ARHGAP11A: variants seen among roughly 807,000 people sequenced by gnomAD.
ARHGAP11A encodes rho GTPase-activating protein 11A.
In ARHGAP11A, 36 loss-of-function variants were observed where a neutral mutation model predicts 60.5. The observed-to-expected ratio is 0.59, with a 90% CI of 0.46 to 0.79. ARHGAP11A has a LOEUF of 0.79. Among genes scored for constraint, ARHGAP11A ranks in the 30% least tolerant of loss-of-function variants. The pLI, the probability that ARHGAP11A is intolerant of heterozygous loss-of-function variation, is 0.00. For synonymous variants in ARHGAP11A, 362 were observed against 415.5 expected (o/e 0.87, Z 1.57); for missense variants, 1,071 against 1,199.2 (o/e 0.89, Z 1.58).
intron 1 of ARHGAP11A, among the ~76,000 whole-genome samples, chr15:32,618,905 T>G (rs1008066988): frequency 2.9e-4 from 44 of 152,150 alleles, no homozygotes; most frequent in Admixed American, 1.2e-3. Context: ...GAGCCGAGAT[T>G]GCGCCACTGC....
Position 32,639,353 on chromosome 15 carries a change from AATC to A in ARHGAP11A, c.*1513_*1515del, listed in dbSNP as rs2053796300. 1 of 152,212 alleles carries A rather than the reference AATC, an allele frequency of 6.6e-6. No individual in the cohort carries two copies. Among genetic ancestry groups the A allele is most frequent in the South Asian group, 2.1e-4 (1 of 4,828 alleles). 9.4% of individuals were successfully genotyped at this position (152,212 alleles called of 1,614,324 possible). A position where few individuals can be genotyped will look rare whatever the true frequency, so the allele number is the denominator to read the frequency against. ...GCATAAGTATGTACGAGGAATTTCA[AATC>A]ATCAGATGTTTGCTTGGCTAGGTTC... is the stretch of plus-strand genomic sequence containing the variant. On this transcript the variant is annotated 3_prime_UTR_variant, in exon 12 of 12. Coordinates refer to ENST00000361627, the MANE Select transcript of ARHGAP11A (RefSeq NM_014783.6).
In ARHGAP11A at chr15:32,636,408, G is replaced by T; in HGVS notation, c.1635G>T (p.Glu545Asp). 6.2e-7 allele frequency: 1 copy of T among 1,614,014 alleles called. No homozygotes were observed. The highest frequency in any genetic ancestry group is 1.3e-5 in the African/African-American group (1 of 75,042). The change falls in exon 12 of 12, where the codon GAG becomes GAT. Residue 545 changes from glutamate (E) to aspartate (D), a missense_variant. Around this residue, in one of 4 missense-constraint regions of ARHGAP11A, gnomAD observed 776 missense variants for 760.2 expected, o/e 1.02. Transcript: ENST00000361627. ...CTTCTTCAATGGTGGAAAATCTTGA[G>T]GTAGAAAACTCTTTGGAGCCTGATA... is the stretch of plus-strand genomic sequence containing the variant. ...NEASSMVENL[E>D]VENSLEPDIM...
chr15:32,639,123 A>C lies in ARHGAP11A; in HGVS notation c.*1278A>C, dbSNP rs2053790654. On this transcript the variant is annotated 3_prime_UTR_variant, in exon 12 of 12. Coordinates refer to ENST00000361627, the MANE Select transcript of ARHGAP11A (RefSeq NM_014783.6). ...TTGTCAAGTAAATCTGTCTAAATTT[A>C]TATTTTAAATTATTACAAATTACAC... is the stretch of plus-strand genomic sequence containing the variant. 1 of 152,810 alleles carries C rather than the reference A, an allele frequency of 6.5e-6. No individual in the cohort carries two copies. The highest frequency in any genetic ancestry group is 2.1e-4 in the South Asian group (1 of 4,830). 9.5% of individuals were successfully genotyped at this position (152,810 alleles called of 1,614,324 possible). A position where few individuals can be genotyped will look rare whatever the true frequency, so the allele number is the denominator to read the frequency against.
At position 32,633,167 on chromosome 15, in the gene ARHGAP11A, A is replaced by G. The variant is rs1291360868; in HGVS notation, c.1235+59A>G. 13 of 1,568,544 alleles carry G rather than the reference A, an allele frequency of 8.3e-6. No homozygotes were observed. The African/African-American group carries it at 1.8e-4, about 21-fold the overall frequency. On this transcript the variant is annotated intron_variant, in intron 9 of 11. Transcript: ENST00000361627. ...TAAATATTTGGTGTACACATAATTA[A>G]TAAAATGTTTTGTCTTTCTGTCAAG...
Position 32,616,040 on chromosome 15 carries a change from T to C in ARHGAP11A, c.-172T>C. The C allele has an allele frequency of 1.1e-6, 1 of 870,060 alleles. No individual in the cohort carries two copies. Among genetic ancestry groups the C allele is most frequent in the East Asian group, 2.7e-5 (1 of 37,332 alleles). 53.9% of individuals were successfully genotyped at this position (870,060 alleles called of 1,614,324 possible). A position where few individuals can be genotyped will look rare whatever the true frequency, so the allele number is the denominator to read the frequency against. Reference sequence around the variant, plus strand: ...CTGTGTAAGTGGATGTGAGTGAGGATCAAGGAAAAGCCGTGGAAGTGGCCG... The same window carrying C: ...CTGTGTAAGTGGATGTGAGTGAGGACCAAGGAAAAGCCGTGGAAGTGGCCG... On this transcript the variant is annotated 5_prime_UTR_variant, in exon 1 of 12. Coordinates refer to ENST00000361627, the MANE Select transcript of ARHGAP11A (RefSeq NM_014783.6).
chr15:32,628,800 T>A lies in ARHGAP11A; in HGVS notation c.935T>A (p.Ile312Asn), dbSNP rs2053525533. The stretch of plus-strand genomic sequence containing the variant: ...TCTATTACACCTCAAGAAGAAAGAA[T>A]TGGTAGGTATTTATTATATGCATTT... ...TPSITPQEERIAQLSESPVIL... is the reference protein window; with the variant it reads ...TPSITPQEERNAQLSESPVIL... The change falls in exon 7 of 12, where the codon ATT becomes AAT. Residue 312 changes from isoleucine to asparagine, a missense_variant and splice_region_variant. This residue lies in a region of ARHGAP11A where 196 missense variants were observed against 272.1 expected (regional missense o/e 0.72). Coordinates refer to ENST00000361627, the MANE Select transcript of ARHGAP11A (RefSeq NM_014783.6). 2 of 1,547,378 alleles carry A rather than the reference T, an allele frequency of 1.3e-6. No homozygotes were observed. Among genetic ancestry groups the A allele is most frequent in the African/African-American group, 2.8e-5 (2 of 71,496 alleles).
At chr15:32,626,532 A>G (rs1235999583) in intron 6 of ARHGAP11A, among the ~76,000 whole-genome samples, 4 of 152,134 alleles carry the variant, frequency 2.6e-5, no homozygotes, top group African/African-American at 9.7e-5. Context: ...TTTATTTGTT[A>G]TTGCATACTT....
At position 32,637,796 on chromosome 15, in the gene ARHGAP11A, C is replaced by G. The variant is rs1372690606; in HGVS notation, c.3023C>G (p.Pro1008Arg). ...TGGTACAAAGGTTCTCCAAAACATC[C>G]TATCGGAAAAACTCAATTACTACCA... ...RAWYKGSPKH[P>R]IGKTQLLPTS... The change falls in exon 12 of 12, where the codon CCT becomes CGT. Residue 1008 changes from proline (P) to arginine (R), a missense_variant. By Grantham distance (103) the Pro-to-Arg change is moderately radical. Coordinates refer to ENST00000361627, the MANE Select transcript of ARHGAP11A (RefSeq NM_014783.6). 1 of 1,606,880 alleles carries G rather than the reference C, an allele frequency of 6.2e-7. No homozygotes were observed. Among genetic ancestry groups the G allele is most frequent in the African/African-American group, 1.3e-5 (1 of 74,336 alleles).
Position 32,633,626 on chromosome 15 carries a change from G to C in ARHGAP11A, c.1236-307G>C, listed in dbSNP as rs2140472155. ...CCATTATACTCCAGCCTGGGCCGCA[G>C]AGTGAGACCCTGTCTCAAAAAATAA... On this transcript the variant is annotated intron_variant, in intron 9 of 11. Coordinates refer to ENST00000361627, the MANE Select transcript of ARHGAP11A (RefSeq NM_014783.6). Among the ~76,000 whole-genome samples, 2 of 152,228 alleles carry C rather than the reference G, an allele frequency of 1.3e-5. 1 individual carries two copies. The highest frequency in any genetic ancestry group is 4.1e-4 in the South Asian group (2 of 4,828).
chr15:32,635,964 G>A, intron 11 of ARHGAP11A, 49 bp downstream of exon 11: 1 of 1,529,090 alleles, frequency 6.5e-7, no homozygotes, highest in East Asian at 2.4e-5. Context: ...TCCTGCTTTA[G>A]TTGCTTTTTT....
rs1452472755 is a variant in ARHGAP11A, at chr15:32,636,481, A to G, written c.1708A>G (p.Asn570Asp). Reference protein sequence around the residue: ...PATSCELTPSNLNNKHNSNIT... With the variant: ...PATSCELTPSDLNNKHNSNIT... ...TACTTCATGTGAACTCACCCCTTCC[A>G]ATTTAAACAATAAGCATAATAGCAA... The change falls in exon 12 of 12, where the codon AAT (asparagine) becomes GAT (aspartate). Residue 570 changes from asparagine (N) to aspartate (D), a missense_variant. By Grantham distance (23) the Asn-to-Asp change is conservative (BLOSUM62 1). This residue lies in a region of ARHGAP11A where 776 missense variants were observed against 760.2 expected (regional missense o/e 1.02). Transcript: ENST00000361627. 6.2e-7 allele frequency: 1 copy of G among 1,613,888 alleles called. No homozygotes were observed. The highest frequency in any genetic ancestry group is 8.5e-7 in the Non-Finnish European group (1 of 1,179,930).
At chr15:32,629,826 G>T in intron 8 of ARHGAP11A, 64 bp downstream of exon 8, 1 of 1,117,050 alleles carries the variant, frequency 9.0e-7, no homozygotes, top group South Asian at 1.7e-5. Context: ...TCTGGGCACA[G>T]TGCAATTTCA....
At chr15:32,635,226 T>G (rs537853769) in intron 10 of ARHGAP11A, among the ~76,000 whole-genome samples, 1 of 152,316 alleles carries the variant, frequency 6.6e-6, no homozygotes, top group African/African-American at 2.4e-5. Flanking sequence ...TCTTCCCCCT[T>G]AAATCTTCAT....
Position 32,636,806 on chromosome 15 carries a change from A to C in ARHGAP11A, c.2033A>C (p.Gln678Pro). Reference protein sequence around the residue: ...CFSERDFSPLQTQTFNRETTI... With the variant: ...CFSERDFSPLPTQTFNRETTI... ...TCAGAGAGGGACTTTTCACCCCTTC[A>C]AACTCAAACATTTAATAGAGAAACA... The change falls in exon 12 of 12, where the codon CAA becomes CCA. Residue 678 changes from glutamine to proline, a missense_variant. Coordinates refer to ENST00000361627, the MANE Select transcript of ARHGAP11A (RefSeq NM_014783.6). 6.2e-7 allele frequency: 1 copy of C among 1,609,354 alleles called. No individual in the cohort carries two copies. Among genetic ancestry groups the C allele is most frequent in the Non-Finnish European group, 8.5e-7 (1 of 1,178,948 alleles).
chr15:32,622,780 G>A (rs1449211060), intron 2 of ARHGAP11A, among the ~76,000 whole-genome samples: 1 of 152,050 alleles, frequency 6.6e-6, no homozygotes, highest in Non-Finnish European at 1.5e-5. Flanking sequence ...ACTTTTCTGA[G>A]GGATAATGTT....
Position 32,636,391 on chromosome 15 carries a change from A to G in ARHGAP11A, c.1618A>G (p.Met540Val), listed in dbSNP as rs1414714575. 7 of 1,614,128 alleles carry G rather than the reference A, an allele frequency of 4.3e-6. 1 individual carries two copies. Among genetic ancestry groups the G allele is most frequent in the Middle Eastern group, 3.3e-4 (2 of 6,060 alleles). The change falls in exon 12 of 12, where the codon ATG becomes GTG. Residue 540 changes from methionine to valine, a missense_variant. This residue lies in a region of ARHGAP11A where 776 missense variants were observed against 760.2 expected (regional missense o/e 1.02). Transcript: ENST00000361627. ...QEVDANEASS[M>V]VENLEVENSL... ...AGTAGATGCAAATGAAGCTTCTTCAATGGTGGAAAATCTTGAGGTAGAAAA... is the reference window on the plus strand; with the variant it reads ...AGTAGATGCAAATGAAGCTTCTTCAGTGGTGGAAAATCTTGAGGTAGAAAA...
Position 32,625,464 on chromosome 15 carries a change from T to G in ARHGAP11A, c.716-23T>G, listed in dbSNP as rs1478995938. ...AGTGGAGGAAGGATAATAATTGTCT[T>G]ACTTGTGAACATTTTCATTTAGGGC... On this transcript the variant is annotated intron_variant, in intron 5 of 11. Transcript: ENST00000361627. The G allele has an allele frequency of 2.5e-6, 4 of 1,611,532 alleles. No homozygotes were observed. The African/African-American group carries it at 4.0e-5, about 16-fold the overall frequency.
rs1423432920 is a variant in ARHGAP11A, at chr15:32,637,752, A to G, written c.2979A>G (p.Pro993=). 6.2e-7 allele frequency: 1 copy of G among 1,614,058 alleles called. No homozygotes were observed. Among genetic ancestry groups the G allele is most frequent in the Non-Finnish European group, 8.5e-7 (1 of 1,180,036 alleles). Residue 993 remains proline, a synonymous_variant, in exon 12 of 12, where the codon CCA becomes CCG. Transcript: ENST00000361627. ...TAAATAACAGGGTCCTTAGGAGACC[A>G]TCAGAAAGAGGAAGGGCCTGGTACA... ...SGINNRVLRR[P]SERGRAWYKG... is the part of the protein sequence containing the mutation.
chr15:32,616,753 G>A (rs554602714), intron 1 of ARHGAP11A, among the ~76,000 whole-genome samples: 1 of 152,326 alleles, frequency 6.6e-6, no homozygotes, highest in African/African-American at 2.4e-5. Context: ...CAGGTAGTAC[G>A]TTGGGAGGGA....
Sources: allele counts gnomAD v4.1 joint callset (sites outside exome capture counted in the v4.1 genomes callset), GRCh38; gene constraint gnomAD v4.1.1; regional missense constraint gnomAD v4.1.1; transcripts MANE v1.5; gene names NCBI Gene and HGNC (gene_info 2026-07-23, HGNC 2026-07-21).